Variants in C12orf42 observed in about 807,000 individuals in gnomAD.
The protein encoded by C12orf42 is chromosome 12 open reading frame 42.
A neutral mutation model predicts 21.6 loss-of-function variants in C12orf42; 25 were observed. The observed-to-expected ratio is 1.16, with a 90% CI of 0.84 to 1.62. The LOEUF (loss-of-function observed/expected upper bound fraction) is 1.62. Among genes scored for constraint, C12orf42 ranks in the 40% most tolerant of loss-of-function variants. The pLI, the probability that C12orf42 is intolerant of heterozygous loss-of-function variation, is 0.00. For synonymous variants in C12orf42, 174 were observed against 175.0 expected (o/e 0.99, Z 0.05); for missense variants, 483 against 459.3 (o/e 1.05, Z -0.47).
intron 4 of C12orf42, among the ~76,000 whole-genome samples, chr12:103,347,300 C>T (rs944273750): frequency 7.9e-5 from 12 of 151,168 alleles, no homozygotes; most frequent in African/African-American, 2.2e-4. Context: ...TGAGAACATG[C>T]GGTGTTTGGT....
intron 10 of C12orf42, among the ~76,000 whole-genome samples, chr12:103,244,349 C>A (rs1040950532): frequency 1.7e-4 from 26 of 151,914 alleles, no homozygotes; most frequent in African/African-American, 5.6e-4. Flanking sequence ...TCCGAGATCA[C>A]CTGTTCAAGG....
At chr12:103,193,036 A>T in the C12orf42 span, among the ~76,000 whole-genome samples, 5 of 152,242 alleles carry the variant, frequency 3.3e-5, no homozygotes, top group African/African-American at 1.2e-4. Flanking sequence ...AAATTATTCC[A>T]TAAGTATCTT....
chr12:103,087,920 C>G, the C12orf42 span, among the ~76,000 whole-genome samples: 1 of 152,222 alleles, frequency 6.6e-6, no homozygotes, highest in Non-Finnish European at 1.5e-5. Context: ...CCATTATTAT[C>G]TCTGTTGTGA....
In C12orf42 at chr12:103,390,763, C is replaced by A. The variant is rs115078387; in HGVS notation, c.147+10844G>T. Among the ~76,000 whole-genome samples, 562 of 152,280 alleles carry A rather than the reference C, an allele frequency of 3.7e-3. 6 individuals carry two copies. Among genetic ancestry groups the A allele is most frequent in the African/African-American group, 0.013 (525 of 41,532 alleles). ...GAGAAACAGCAAGCCAATGTCCAAGCGCAAGAGATGACATCTTAGTTCAAG... is the reference window on the plus strand; with the variant it reads ...GAGAAACAGCAAGCCAATGTCCAAGAGCAAGAGATGACATCTTAGTTCAAG... On this transcript the variant is annotated intron_variant, in intron 3 of 5. Transcript: ENST00000548883.
intron 4 of C12orf42, among the ~76,000 whole-genome samples, chr12:103,308,497 T>A (rs1028860610): frequency 1.3e-5 from 2 of 152,222 alleles, no homozygotes; most frequent in Non-Finnish European, 2.9e-5. Flanking sequence ...TAGCATTCCT[T>A]ACCATTTATT....
chr12:103,212,711 C>T, the C12orf42 span, among the ~76,000 whole-genome samples: 3 of 152,004 alleles, frequency 2.0e-5, no homozygotes, highest in African/African-American at 4.8e-5. Context: ...ATTATTTTAT[C>T]GTTATTAGCA....
the C12orf42 span, among the ~76,000 whole-genome samples, chr12:103,207,818 A>G: frequency 1.3e-5 from 2 of 152,174 alleles, no homozygotes; most frequent in African/African-American, 4.8e-5. Flanking sequence ...TACCACCACC[A>G]CAACATAAAA....
At chr12:103,128,898 T>C in the C12orf42 span, among the ~76,000 whole-genome samples, 1 of 152,208 alleles carries the variant, frequency 6.6e-6, no homozygotes, top group Non-Finnish European at 1.5e-5. Context: ...TACACACTCT[T>C]GAAGGAAGAA....
At chr12:103,136,913 C>T in the C12orf42 span, among the ~76,000 whole-genome samples, 4 of 151,972 alleles carry the variant, frequency 2.6e-5, no homozygotes, top group Admixed American at 2.0e-4. Context: ...ATTGTAAGAC[C>T]CAAAACTATA....
chr12:103,086,654 G>T, the C12orf42 span, among the ~76,000 whole-genome samples: 1 of 151,722 alleles, frequency 6.6e-6, no homozygotes, highest in Non-Finnish European at 1.5e-5. Context: ...AGCTCCTGCC[G>T]CTTTCTTAAT....
At chr12:103,227,404 G>A in the C12orf42 span, among the ~76,000 whole-genome samples, 1 of 151,898 alleles carries the variant, frequency 6.6e-6, no homozygotes, top group South Asian at 2.1e-4. Flanking sequence ...AGAGGTCGGG[G>A]TGTGGAAATA....
the C12orf42 span, among the ~76,000 whole-genome samples, chr12:103,176,350 A>G: frequency 6.6e-6 from 1 of 152,156 alleles, no homozygotes; most frequent in Non-Finnish European, 1.5e-5. Flanking sequence ...CTGTGACCTT[A>G]AGGCAGGCAG....
the C12orf42 span, among the ~76,000 whole-genome samples, chr12:103,168,941 A>G: frequency 9.2e-5 from 14 of 152,086 alleles, no homozygotes; most frequent in African/African-American, 3.1e-4. Flanking sequence ...GTTCTCACTC[A>G]TAAGTGGGAG....
intron 2 of C12orf42, among the ~76,000 whole-genome samples, chr12:103,460,839 T>C (rs961923736): frequency 1.3e-5 from 2 of 152,196 alleles, no homozygotes; most frequent in Non-Finnish European, 2.9e-5. Flanking sequence ...TAAATTTGGA[T>C]ACTGTGTAAG....
chr12:103,297,566 T>A (rs1184226956), downstream of C12orf42, among the ~76,000 whole-genome samples: 1 of 152,072 alleles, frequency 6.6e-6, no homozygotes, highest in Non-Finnish European at 1.5e-5. Context: ...ACTATTCCAA[T>A]CAATAGAAAA....
chr12:103,066,875 T>C, the C12orf42 span, among the ~76,000 whole-genome samples: 1 of 152,294 alleles, frequency 6.6e-6, no homozygotes, highest in African/African-American at 2.4e-5. Flanking sequence ...GGGGATAAAA[T>C]GACCCATTCT....
intron 4 of C12orf42, among the ~76,000 whole-genome samples, chr12:103,288,767 A>T (rs529803453): frequency 6.6e-6 from 1 of 152,296 alleles, no homozygotes; most frequent in Admixed American, 6.5e-5. Flanking sequence ...TGAATGATGG[A>T]TAAACATCTC....
At chr12:103,517,934 A>T in the C12orf42 span, among the ~76,000 whole-genome samples, 1 of 152,126 alleles carries the variant, frequency 6.6e-6, no homozygotes, top group Non-Finnish European at 1.5e-5. Context: ...AATTGCTGGC[A>T]TGTTTATGGA....
At chr12:103,393,495 G>A (rs2047248717) in intron 3 of C12orf42, among the ~76,000 whole-genome samples, 1 of 152,142 alleles carries the variant, frequency 6.6e-6, no homozygotes, top group African/African-American at 2.4e-5. Context: ...ATTTGGAGGA[G>A]ACATCCAAAC....
Sources: allele counts gnomAD v4.1 joint callset (sites outside exome capture counted in the v4.1 genomes callset), GRCh38; gene constraint gnomAD v4.1.1; transcripts MANE v1.5; gene names NCBI Gene and HGNC (gene_info 2026-07-23, HGNC 2026-07-21).